PCDHA1: variants seen among roughly 807,000 people sequenced by gnomAD.
PCDHA1 encodes the protein protocadherin alpha-1.
In PCDHA1, 42 loss-of-function variants were observed where a neutral mutation model predicts 61.3. The ratio of observed to expected loss-of-function variants is 0.69; its 90% CI spans 0.54 to 0.89. PCDHA1 has a LOEUF of 0.89. Among genes scored for constraint, PCDHA1 ranks in the 40% least tolerant of loss-of-function variants. The probability of loss-of-function intolerance (pLI) is 0.00; values close to 1 mark genes in which losing one functional copy is unlikely to be tolerated. For synonymous variants in PCDHA1, 610 were observed against 553.8 expected, an observed-to-expected ratio of 1.10 and a Z score of -1.43; for missense variants, 1,256 against 1,235.3, an observed-to-expected ratio of 1.02 and a Z score of -0.25.
intron 1 of PCDHA1, chr5:140,877,038 G>T (rs782221827): frequency 2.5e-6 from 4 of 1,612,418 alleles, no homozygotes; most frequent in East Asian, 2.2e-5. Flanking sequence ...CGCTGCAGCC[G>T]CTAGACCACG....
intron 1 of PCDHA1, chr5:140,835,028 C>A (rs2150229925): frequency 7.5e-7 from 1 of 1,326,582 alleles, no homozygotes; most frequent in Non-Finnish European, 1.0e-6. Flanking sequence ...TCACGGCCAC[C>A]GATGGAGGCA....
intron 1 of PCDHA1, chr5:140,822,236 A>G: frequency 6.2e-7 from 1 of 1,614,248 alleles, no homozygotes; most frequent in Non-Finnish European, 8.5e-7. Context: ...TTTCCGCTAG[A>G]GGGCGCGTCG....
intron 1 of PCDHA1, chr5:140,857,825 G>C: frequency 6.3e-7 from 1 of 1,597,886 alleles, no homozygotes; most frequent in Middle Eastern, 1.7e-4. Context: ...GGTGGCTAAG[G>C]TGCGCGCAGT....
At chr5:140,985,104 AT>A (rs2097137151) in intron 3 of PCDHA1, among the ~76,000 whole-genome samples, 1 of 151,914 alleles carries the variant, frequency 6.6e-6, no homozygotes, top group African/African-American at 2.4e-5. Context: ...AGCCTGGCTA[AT>A]TTTTTGTGTT....
In PCDHA1 at chr5:140,843,394, G is replaced by T. The variant is rs2150359132; in HGVS notation, c.2394+54710G>T. ...CGGCTGGCGTTTTGGGTCCGGAAGC[G>T]GCGCTGGTGGATGTCAACGTGTACC... is the stretch of plus-strand genomic sequence containing the variant. On this transcript the variant is annotated intron_variant, in intron 1 of 3. Transcript: ENST00000504120. 3 of 1,596,026 alleles carry T rather than the reference G, an allele frequency of 1.9e-6. No individual in the cohort carries two copies. The East Asian group carries it at 6.7e-5, about 36-fold the overall frequency.
rs2150117634 is a variant in PCDHA1, at chr5:140,822,593, A to T, written c.2394+33909A>T. The T allele has an allele frequency of 4.3e-6, 7 of 1,611,492 alleles. No homozygotes were observed. In the Admixed American group the frequency reaches 1.2e-4, roughly 27 times the overall value. On this transcript the variant is annotated intron_variant, in intron 1 of 3. Transcript: ENST00000504120. ...GCCTCAGATGCAGATGAGGGCATCA[A>T]TAAGGAAATAGTGTATTTCTTTAGT... is the stretch of plus-strand genomic sequence containing the variant.
intron 1 of PCDHA1, chr5:140,843,081 C>T (rs2150352051): frequency 1.3e-6 from 2 of 1,595,422 alleles, no homozygotes; most frequent in Admixed American, 1.7e-5. Flanking sequence ...TCTGTGGGCG[C>T]GGGCCACGTG....
rs371269236 is a variant in PCDHA1, at chr5:141,009,740, G to A, written c.2656G>A (p.Asp886Asn). Residue 886 changes from aspartate to asparagine, a missense_variant, in exon 4 of 4, where the codon GAC becomes AAC. Asp to Asn is a conservative substitution (Grantham distance 23, BLOSUM62 1). Coordinates refer to ENST00000504120, the MANE Select transcript of PCDHA1 (RefSeq NM_018900.4). ...PKQSGPGELP[D>N]KFIIPGSPAI... ...ACAATCCGGTCCCGGTGAGTTGCCC[G>A]ACAAATTCATTATCCCAGGATCTCC... The A allele has an allele frequency of 1.8e-4, 293 of 1,613,962 alleles. No individual in the cohort carries two copies. Among genetic ancestry groups the A allele is most frequent in the East Asian group, 1.6e-3 (74 of 44,884 alleles).
intron 1 of PCDHA1, chr5:140,875,685 C>T (rs563250653): frequency 6.2e-7 from 1 of 1,613,934 alleles, no homozygotes; most frequent in South Asian, 1.1e-5. Flanking sequence ...CCAAAAGACA[C>T]GGGGACCTTC....
chr5:140,821,010 C>A (rs1020612182), intron 1 of PCDHA1, among the ~76,000 whole-genome samples: 1 of 151,734 alleles, frequency 6.6e-6, no homozygotes, highest in Non-Finnish European at 1.5e-5. Flanking sequence ...AGGTTTTCAT[C>A]GATTTGAAAA....
intron 1 of PCDHA1, chr5:140,882,064 C>G (rs1277765660): frequency 1.1e-5 from 9 of 831,034 alleles, no homozygotes; most frequent in Non-Finnish European, 1.6e-5. Context: ...CTTACACGTT[C>G]ATGCGCATGG....
intron 1 of PCDHA1, among the ~76,000 whole-genome samples, chr5:140,855,385 G>C (rs2043451354): frequency 6.7e-6 from 1 of 149,884 alleles, no homozygotes; most frequent in Non-Finnish European, 1.5e-5. Context: ...AATCTAAATG[G>C]AGAAATGTCT....
At chr5:140,919,306 A>T (rs1407810868) in intron 1 of PCDHA1, among the ~76,000 whole-genome samples, 1 of 152,150 alleles carries the variant, frequency 6.6e-6, no homozygotes, top group Non-Finnish European at 1.5e-5. Context: ...TGTACAATAT[A>T]TGTTTTCCCA....
intron 1 of PCDHA1, chr5:140,863,338 C>G: frequency 2.2e-6 from 3 of 1,361,684 alleles, no homozygotes; most frequent in Non-Finnish European, 3.0e-6. Flanking sequence ...GCTCACGTTG[C>G]TGCTGTACAC....
At chr5:140,797,106 G>A in intron 1 of PCDHA1, 1 of 1,614,000 alleles carries the variant, frequency 6.2e-7, no homozygotes. Context: ...TGGTGCTCAC[G>A]GTGCTGCTGT....
intron 3 of PCDHA1, among the ~76,000 whole-genome samples, chr5:140,992,665 T>A (rs1219714191): frequency 2.6e-5 from 4 of 152,096 alleles, no homozygotes; most frequent in Non-Finnish European, 5.9e-5. Context: ...CTGATTGGTG[T>A]GTATGTGTGT....
rs138821024 is a variant in PCDHA1, at chr5:140,968,111, C to T, written c.2395-10838C>T. ...AGCCACAGATGGGGGAATACCGCAG[C>T]TCACATCCCTGCGTACACTGAAGGT... On this transcript the variant is annotated intron_variant, in intron 1 of 3. Transcript: ENST00000504120. 533 of 1,614,062 alleles carry T rather than the reference C, an allele frequency of 3.3e-4. 1 individual carries two copies. The highest frequency in any genetic ancestry group is 4.1e-4 in the Non-Finnish European group (489 of 1,180,052).
At chr5:140,802,024 A>T in intron 1 of PCDHA1, 1 of 1,614,188 alleles carries the variant, frequency 6.2e-7, no homozygotes, top group Non-Finnish European at 8.5e-7. Context: ...GTAAATAAGG[A>T]TATCGCGTAT....
At chr5:140,992,918 A>C (rs1362238628) in intron 3 of PCDHA1, among the ~76,000 whole-genome samples, 2 of 152,186 alleles carry the variant, frequency 1.3e-5, no homozygotes, top group Non-Finnish European at 2.9e-5. Context: ...GGCCCTCTCC[A>C]TACTTACAGC....
Sources: allele counts gnomAD v4.1 joint callset (sites outside exome capture counted in the v4.1 genomes callset), GRCh38; gene constraint gnomAD v4.1.1; transcripts MANE v1.5; gene names NCBI Gene and HGNC (gene_info 2026-07-23, HGNC 2026-07-21).